Variants in AKAP6 observed in about 807,000 individuals in gnomAD.
AKAP6 encodes A-kinase anchoring protein 6, also known as A-kinase anchor protein 6.
Under a neutral mutation model 188.5 loss-of-function variants are expected in AKAP6, and 58 were observed. The observed-to-expected ratio is 0.31, with a 90% CI of 0.25 to 0.38. The LOEUF is 0.38. Ranked by LOEUF, AKAP6 falls within the 10% of genes least tolerant of loss-of-function variation. AKAP6 has a pLI of 1.00. For synonymous variants in AKAP6, 989 were observed against 998.6 expected (o/e 0.99, Z 0.18); for missense variants, 2,710 against 2,740.0 (o/e 0.99, Z 0.24).
At chr14:32,603,340 A>G (rs1363003298) in intron 7 of AKAP6, among the ~76,000 whole-genome samples, 1 of 152,174 alleles carries the variant, frequency 6.6e-6, no homozygotes, top group African/African-American at 2.4e-5. Flanking sequence ...ACCTAAATTA[A>G]TGAAAGAGCT....
At chr14:32,762,794 G>A (rs993866224) in intron 11 of AKAP6, among the ~76,000 whole-genome samples, 4 of 152,036 alleles carry the variant, frequency 2.6e-5, no homozygotes, top group African/African-American at 9.6e-5. Flanking sequence ...TAATAATCCT[G>A]GTTGCCCTTA....
intron 2 of AKAP6, among the ~76,000 whole-genome samples, chr14:32,449,582 T>C (rs977576312): frequency 6.6e-5 from 10 of 152,036 alleles, no homozygotes; most frequent in African/African-American, 2.2e-4. Flanking sequence ...AAAAGATTTT[T>C]TGATGGAGAA....
At chr14:32,726,619 G>C (rs77542095) in intron 9 of AKAP6, among the ~76,000 whole-genome samples, 1 of 152,196 alleles carries the variant, frequency 6.6e-6, no homozygotes, top group Non-Finnish European at 1.5e-5. Context: ...TGCTTTTCAC[G>C]CAGTGCATTT....
chr14:32,796,367 A>T (rs2033768316), intron 12 of AKAP6, among the ~76,000 whole-genome samples: 1 of 152,238 alleles, frequency 6.6e-6, no homozygotes, highest in Non-Finnish European at 1.5e-5. Flanking sequence ...ATGCTACCTG[A>T]CTTCAAACTA....
intron 1 of AKAP6, among the ~76,000 whole-genome samples, chr14:32,409,507 A>G (rs749566367): frequency 3.2e-4 from 49 of 152,192 alleles, no homozygotes; most frequent in Non-Finnish European, 6.2e-4. Context: ...TCTTCTTCAA[A>G]AAACAGTAGC....
intron 7 of AKAP6, among the ~76,000 whole-genome samples, chr14:32,677,815 A>G (rs938471698): frequency 2.0e-5 from 3 of 152,268 alleles, no homozygotes; most frequent in African/African-American, 4.8e-5. Context: ...AGTAACACAG[A>G]CAACCAAAAA....
Position 32,565,933 on chromosome 14 carries a change from C to T in AKAP6, c.2347-11187C>T, listed in dbSNP as rs185834473. Among the ~76,000 whole-genome samples the T allele has an allele frequency of 4.5e-3, 679 of 152,196 alleles. 3 individuals carry two copies. Among genetic ancestry groups the T allele is most frequent in the Non-Finnish European group, 7.4e-3 (503 of 68,000 alleles). On this transcript the variant is annotated intron_variant, in intron 4 of 13. Transcript: ENST00000280979. ...ACACTTATCTGTCAGGGCTCAATTTCCTGTGATTTCCTCCAGGAAGTCCCC... is the reference window on the plus strand; with the variant it reads ...ACACTTATCTGTCAGGGCTCAATTTTCTGTGATTTCCTCCAGGAAGTCCCC...
At chr14:32,465,913 G>A (rs1484541811) in intron 2 of AKAP6, among the ~76,000 whole-genome samples, 1 of 152,114 alleles carries the variant, frequency 6.6e-6, no homozygotes, top group Non-Finnish European at 1.5e-5. Flanking sequence ...AAATGTGGGA[G>A]AAGGATATGA....
intron 7 of AKAP6, among the ~76,000 whole-genome samples, chr14:32,603,351 A>G (rs1054613464): frequency 6.6e-6 from 1 of 152,168 alleles, no homozygotes; most frequent in African/African-American, 2.4e-5. Flanking sequence ...TGAAAGAGCT[A>G]TGTTGAAAAG....
intron 12 of AKAP6, among the ~76,000 whole-genome samples, chr14:32,794,204 T>C (rs2033695633): frequency 6.6e-6 from 1 of 152,056 alleles, no homozygotes; most frequent in South Asian, 2.1e-4. Context: ...ATCACACAAC[T>C]ACGTGGAAAT....
chr14:32,438,557 C>T (rs1890464415), intron 2 of AKAP6: 1 of 152,110 alleles, frequency 6.6e-6, no homozygotes, highest in Non-Finnish European at 1.5e-5. Flanking sequence ...AGTGATTATT[C>T]TTGAGAGTGA....
intron 7 of AKAP6, among the ~76,000 whole-genome samples, chr14:32,666,696 A>G (rs2139596011): frequency 6.6e-6 from 1 of 152,222 alleles, no homozygotes; most frequent in African/African-American, 2.4e-5. Context: ...ATAGAGTCTT[A>G]TGCCACTATG....
intron 7 of AKAP6, among the ~76,000 whole-genome samples, chr14:32,669,705 A>T (rs1889097500): frequency 6.6e-6 from 1 of 152,198 alleles, no homozygotes; most frequent in Admixed American, 6.5e-5. Flanking sequence ...ACAGTTCTGC[A>T]TGGCTGGGGA....
At chr14:32,773,049 A>T (rs1010090379) in intron 11 of AKAP6, among the ~76,000 whole-genome samples, 1 of 152,344 alleles carries the variant, frequency 6.6e-6, no homozygotes, top group African/African-American at 2.4e-5. Context: ...GTGAATGTCT[A>T]TTAAAAGAAA....
At chr14:32,372,129 G>A (rs540535080) in intron 1 of AKAP6, among the ~76,000 whole-genome samples, 1 of 152,200 alleles carries the variant, frequency 6.6e-6, no homozygotes, top group African/African-American at 2.4e-5. Flanking sequence ...CTGCTGTACA[G>A]AAGGATGCAC....
rs530569952 is a variant in AKAP6, at chr14:32,606,855, AT to A, written c.2730+6064del. ...GCAAGCTTAAGGATATTCCTGATATATGTTTGCTCAGCCCTATGAATGAAAG... is the reference window on the plus strand; with the variant it reads ...GCAAGCTTAAGGATATTCCTGATATAGTTTGCTCAGCCCTATGAATGAAAG... On this transcript the variant is annotated intron_variant, in intron 7 of 13. Transcript: ENST00000280979. Among the ~76,000 whole-genome samples the A allele has an allele frequency of 3.5e-4, 53 of 152,298 alleles. 1 individual carries two copies. The highest frequency in any genetic ancestry group is 1.2e-3 in the African/African-American group (51 of 41,568).
chr14:32,464,438 A>C (rs1229095064), intron 2 of AKAP6, among the ~76,000 whole-genome samples: 1 of 152,230 alleles, frequency 6.6e-6, no homozygotes. Flanking sequence ...AGGCTTGTTC[A>C]ACATATGCAA....
chr14:32,698,784 G>C (rs1890510165), intron 9 of AKAP6, among the ~76,000 whole-genome samples: 1 of 152,140 alleles, frequency 6.6e-6, no homozygotes, highest in South Asian at 2.1e-4. Context: ...ACCAACAGTT[G>C]TGAGTTTAAA....
At position 32,600,635 on chromosome 14, in the gene AKAP6, A is replaced by G. The variant is rs760408602; in HGVS notation, c.2573A>G (p.Lys858Arg). ...ELIASHKAGL[K>R]DMLRMIASQW... The stretch of plus-strand genomic sequence containing the variant: ...TCCCCTCCTTTTGGAGAAGGACTGA[A>G]GGACATGCTGCGGATGATTGCAAGT... Residue 858 changes from lysine to arginine, a missense_variant, in exon 7 of 14, where the codon AAG (lysine) becomes AGG (arginine). This residue lies in a region of AKAP6 where 2,473 missense variants were observed against 2,426.1 expected (regional missense o/e 1.02). Transcript: ENST00000280979. 8.1e-6 allele frequency: 13 copies of G among 1,611,534 alleles called. No individual in the cohort carries two copies. Among genetic ancestry groups the G allele is most frequent in the Non-Finnish European group, 1.1e-5 (13 of 1,178,758 alleles).
Sources: allele counts gnomAD v4.1 joint callset (sites outside exome capture counted in the v4.1 genomes callset), GRCh38; gene constraint gnomAD v4.1.1; regional missense constraint gnomAD v4.1.1; transcripts MANE v1.5; gene names NCBI Gene and HGNC (gene_info 2026-07-23, HGNC 2026-07-21).